KCNH8: variants seen among roughly 807,000 people sequenced by gnomAD.
KCNH8 encodes the protein potassium voltage-gated channel subfamily H member 8, also known as voltage-gated delayed rectifier potassium channel KCNH8.
KCNH8 carries 70 observed loss-of-function variants against 103.6 expected under a neutral mutation model. The ratio of observed to expected loss-of-function variants is 0.68; its 90% CI spans 0.56 to 0.82. The LOEUF is 0.82. KCNH8 is among the 40% of genes least tolerant of loss of function. The pLI, the probability that KCNH8 is intolerant of heterozygous loss-of-function variation, is 0.00. For synonymous variants in KCNH8, 498 were observed against 489.4 expected (o/e 1.02, Z -0.23); for missense variants, 1,217 against 1,329.9 (o/e 0.92, Z 1.32).
At chr3:19,517,798 T>A (rs971099641) in intron 14 of KCNH8, among the ~76,000 whole-genome samples, 200 bp from the exon 15 acceptor site, 1 of 151,984 alleles carries the variant, frequency 6.6e-6, no homozygotes, top group Non-Finnish European at 1.5e-5. Flanking sequence ...ACCACCATGA[T>A]GTGTGTCCAG....
At chr3:19,347,066 G>A (rs542609712) in intron 4 of KCNH8, among the ~76,000 whole-genome samples, 17 of 152,174 alleles carry the variant, frequency 1.1e-4, no homozygotes, top group Non-Finnish European at 1.8e-4. Context: ...TTAAGCAACT[G>A]TTTCTTACTT....
At chr3:19,222,951 C>T (rs1360058253) in intron 1 of KCNH8, among the ~76,000 whole-genome samples, 4 of 152,082 alleles carry the variant, frequency 2.6e-5, no homozygotes, top group Non-Finnish European at 5.9e-5. Context: ...TCCTTTAAGT[C>T]CTTTAGAGCT....
chr3:19,413,705 G>C (rs1304639586), intron 7 of KCNH8, among the ~76,000 whole-genome samples: 2 of 151,962 alleles, frequency 1.3e-5, no homozygotes, highest in Admixed American at 1.3e-4. Flanking sequence ...CCAGCCTCTA[G>C]CACTTGGGGG....
intron 1 of KCNH8, among the ~76,000 whole-genome samples, chr3:19,237,878 T>C (rs1179919458): frequency 6.6e-6 from 1 of 152,236 alleles, no homozygotes; most frequent in African/African-American, 2.4e-5. Flanking sequence ...AAAAATGCGA[T>C]TAAAGGTCCA....
intron 11 of KCNH8, among the ~76,000 whole-genome samples, chr3:19,493,000 T>G (rs1308223563): frequency 3.3e-5 from 5 of 152,118 alleles, no homozygotes; most frequent in African/African-American, 1.2e-4. Flanking sequence ...TAAATGAGAT[T>G]GTGTTCTTGA....
intron 3 of KCNH8, among the ~76,000 whole-genome samples, chr3:19,307,066 A>G (rs560606659): frequency 6.6e-6 from 1 of 152,106 alleles, no homozygotes; most frequent in South Asian, 2.1e-4. Flanking sequence ...AAACGAATCC[A>G]CATATCTACA....
chr3:19,407,790 A>T (rs2066716193), intron 7 of KCNH8, among the ~76,000 whole-genome samples: 1 of 152,068 alleles, frequency 6.6e-6, no homozygotes, highest in South Asian at 2.1e-4. Context: ...GCCTAGGAAG[A>T]TCTCCAGGTA....
intron 7 of KCNH8, among the ~76,000 whole-genome samples, chr3:19,422,257 C>T (rs796820913): frequency 1.4e-4 from 21 of 152,182 alleles, no homozygotes; most frequent in Middle Eastern, 3.4e-3. Flanking sequence ...AATTTCCCAA[C>T]TGGCACATGT....
intron 1 of KCNH8, among the ~76,000 whole-genome samples, chr3:19,238,059 T>C (rs1363735586): frequency 6.6e-6 from 1 of 152,186 alleles, no homozygotes; most frequent in Non-Finnish European, 1.5e-5. Flanking sequence ...CAAGATAATT[T>C]CTTAGATTTT....
chr3:19,253,713 TC>T lies in KCNH8; in HGVS notation c.138del (p.Asp47MetfsTer33). ...VAKGFPIVYC[S>X]DGFCELAGFA... ...TAAGGGTTTCCCCATAGTCTACTGT[TC>T]CGATGGCTTCTGCGAGCTTGCTGGA... On this transcript the variant is annotated frameshift_variant, in exon 2 of 16. Transcript: ENST00000328405. LOFTEE classifies it high-confidence loss of function. 3.1e-6 allele frequency: 5 copies of T among 1,613,792 alleles called. No homozygotes were observed. The highest frequency in any genetic ancestry group is 4.2e-6 in the Non-Finnish European group (5 of 1,179,914).
chr3:19,437,367 T>C (rs2067214927), intron 7 of KCNH8, among the ~76,000 whole-genome samples: 1 of 152,220 alleles, frequency 6.6e-6, no homozygotes, highest in Non-Finnish European at 1.5e-5. Flanking sequence ...TGCTATCTTC[T>C]CATGTTTATT....
chr3:19,236,446 C>G (rs1256216735), intron 1 of KCNH8, among the ~76,000 whole-genome samples: 2 of 152,184 alleles, frequency 1.3e-5, no homozygotes, highest in Non-Finnish European at 2.9e-5. Context: ...ACTCCAGTGT[C>G]TTTCACGGGG....
At chr3:19,176,909 C>T (rs370298431) in intron 1 of KCNH8, among the ~76,000 whole-genome samples, 14 of 152,228 alleles carry the variant, frequency 9.2e-5, no homozygotes, top group African/African-American at 3.4e-4. Flanking sequence ...ACAATCAATA[C>T]ATAACCTTGT....
At position 19,236,005 on chromosome 3, in the gene KCNH8, TTATGTA is replaced by T. The variant is rs2064060230; in HGVS notation, c.77-17646_77-17641del. ...TAATGTCATCGAATAAATGATAGTTTTATGTATAATTCTGTGTAACTGTGTGTATAT... is the reference window on the plus strand; with the variant it reads ...TAATGTCATCGAATAAATGATAGTTTTAATTCTGTGTAACTGTGTGTATAT... On this transcript the variant is annotated intron_variant, in intron 1 of 15. Transcript: ENST00000328405. 2.6e-5 allele frequency among the ~76,000 whole-genome samples: 4 copies of T among 152,334 alleles called. No individual in the cohort carries two copies. The South Asian group carries it at 8.3e-4, about 32-fold the overall frequency.
intron 1 of KCNH8, among the ~76,000 whole-genome samples, chr3:19,214,427 G>C (rs2063799677): frequency 6.6e-6 from 1 of 152,120 alleles, no homozygotes; most frequent in Non-Finnish European, 1.5e-5. Flanking sequence ...GTGCTGCCTA[G>C]CTCAGGAGGT....
chr3:19,290,600 C>G (rs1340297433), intron 3 of KCNH8, among the ~76,000 whole-genome samples: 1 of 152,230 alleles, frequency 6.6e-6, no homozygotes, highest in East Asian at 1.9e-4. Flanking sequence ...TTGAAGCCCA[C>G]TTGATCATGC....
At chr3:19,473,022 C>A (rs1035650138) in intron 11 of KCNH8, among the ~76,000 whole-genome samples, 1 of 152,044 alleles carries the variant, frequency 6.6e-6, no homozygotes, top group Non-Finnish European at 1.5e-5. Flanking sequence ...TCTGGGAGTT[C>A]GGATTATTTT....
intron 5 of KCNH8, among the ~76,000 whole-genome samples, chr3:19,376,562 T>C (rs912420290): frequency 1.6e-4 from 24 of 152,138 alleles, no homozygotes; most frequent in Admixed American, 1.0e-3. Flanking sequence ...CCGTCTTCTG[T>C]GTCGCTCACG....
intron 1 of KCNH8, among the ~76,000 whole-genome samples, chr3:19,208,159 C>T (rs1357471228): frequency 5.9e-5 from 9 of 151,906 alleles, no homozygotes; most frequent in African/African-American, 1.4e-4. Flanking sequence ...AAGATTCAAG[C>T]ACAATTTAAA....
Sources: gnomAD v4.1 joint callset for allele counts (sites outside exome capture counted in the v4.1 genomes callset) on GRCh38, gnomAD v4.1.1 for gene constraint, MANE v1.5 for transcripts, NCBI Gene and HGNC (gene_info 2026-07-23, HGNC 2026-07-21) for gene names.